The following DMC1 variants were observed in gnomAD, a reference collection of about 807,000 sequenced individuals.
The protein encoded by DMC1 is DNA meiotic recombinase 1, also known as meiotic recombination protein DMC1 homolog.
Under a neutral mutation model 50.1 loss-of-function variants are expected in DMC1, and 27 were observed. That is an observed-to-expected ratio of 0.54 (90% CI 0.40 to 0.74). The LOEUF (loss-of-function observed/expected upper bound fraction) is 0.74, where lower values mean the gene tolerates loss of function less well. Ranked by LOEUF, DMC1 falls within the 30% of genes least tolerant of loss-of-function variation. DMC1 has a pLI of 0.00. For synonymous variants in DMC1, 148 were observed against 136.1 expected (o/e 1.09, Z -0.61); for missense variants, 295 against 420.2 (o/e 0.70, Z 2.60).
At chr22:38,527,075 C>T (rs755884536) in intron 12 of DMC1, among the ~76,000 whole-genome samples, 1 of 152,144 alleles carries the variant, frequency 6.6e-6, no homozygotes, top group African/African-American at 2.4e-5. Flanking sequence ...CAGCCATTCC[C>T]CAGGCAGAAG....
intron 8 of DMC1, chr22:38,546,178 G>T (rs2090342265): frequency 6.6e-6 from 1 of 152,254 alleles, no homozygotes; most frequent in Non-Finnish European, 1.5e-5. Flanking sequence ...ATCACCTGAG[G>T]TCGGGAGTTC....
intron 8 of DMC1, chr22:38,549,567 T>A (rs1367065023): frequency 4.9e-6 from 1 of 202,520 alleles, no homozygotes; most frequent in Non-Finnish European, 1.0e-5. Context: ...GAGGTTGCAG[T>A]GAGCCGAGAT....
In DMC1 at chr22:38,536,519, C is replaced by T. The variant is rs184600859; in HGVS notation, c.836+1073G>A. ...AACACTTCAACAAATTCTGAATATG[C>T]CTAGTGTGAACTGAAATTCTTTTTC... is the stretch of plus-strand genomic sequence containing the variant. On this transcript the variant is annotated intron_variant, in intron 12 of 13. Transcript: ENST00000216024. 1.7e-3 allele frequency among the ~76,000 whole-genome samples: 257 copies of T among 152,236 alleles called. 2 individuals carry two copies. The highest frequency in any genetic ancestry group is 2.6e-3 in the Admixed American group (40 of 15,272).
At position 38,536,857 on chromosome 22, in the gene DMC1, A is replaced by AT. The variant is rs376083937; in HGVS notation, c.836+734dup. The stretch of plus-strand genomic sequence containing the variant: ...GTCATATACACTGTGCAATAAAGTG[A>AT]TTTTTTTTTTGAGATGCAGTTTTGC... On this transcript the variant is annotated intron_variant, in intron 12 of 13. Coordinates refer to ENST00000216024, the MANE Select transcript of DMC1 (RefSeq NM_007068.4). 3.0e-3 allele frequency among the ~76,000 whole-genome samples: 448 copies of AT among 150,206 alleles called. 1 individual carries two copies. Among genetic ancestry groups the AT allele is most frequent in the African/African-American group, 1.0e-2 (409 of 41,084 alleles).
At chr22:38,566,421 A>G (rs1045485589) in intron 4 of DMC1, among the ~76,000 whole-genome samples, 169 bp downstream of exon 4, 1 of 152,170 alleles carries the variant, frequency 6.6e-6, no homozygotes, top group African/African-American at 2.4e-5. Flanking sequence ...TCAGAAATCA[A>G]TTGCTGTTGC....
chr22:38,539,023 G>A (rs138776303), intron 9 of DMC1, among the ~76,000 whole-genome samples: 68 of 150,026 alleles, frequency 4.5e-4, no homozygotes, highest in Non-Finnish European at 8.9e-4. Flanking sequence ...GTGACAGAGC[G>A]AGACTCCATC....
chr22:38,537,008 G>A (rs1436753354), intron 12 of DMC1, among the ~76,000 whole-genome samples: 4 of 149,224 alleles, frequency 2.7e-5, no homozygotes, highest in African/African-American at 9.9e-5. Context: ...ACGCCACCAC[G>A]CCCAGCTAAT....
Position 38,521,569 on chromosome 22 carries a change from ACACACAC to A in DMC1, c.953+32_953+38del. ...CACACACACACACACACACACACACACACACACACACACACACACAAAATAAAAAAAA... is the reference window on the plus strand; with the variant it reads ...CACACACACACACACACACACACACAACACACACACACAAAATAAAAAAAA... On this transcript the variant is annotated intron_variant, in intron 13 of 13. Transcript: ENST00000216024. 4.2e-6 allele frequency: 5 copies of A among 1,199,016 alleles called. No individual in the cohort carries two copies. The African/African-American group carries it at 4.5e-5, about 11-fold the overall frequency. The allele number at this position is 1,199,016 out of a possible 1,614,324, so 74.3% of individuals were successfully genotyped here.
intron 5 of DMC1, among the ~76,000 whole-genome samples, chr22:38,558,583 C>A (rs1602765733): frequency 6.6e-6 from 1 of 152,010 alleles, no homozygotes; most frequent in East Asian, 1.9e-4. Context: ...GGTGTGGTGG[C>A]ACACACCTGT....
chr22:38,529,179 T>A (rs2145815621), intron 12 of DMC1, among the ~76,000 whole-genome samples: 1 of 152,060 alleles, frequency 6.6e-6, no homozygotes, highest in South Asian at 2.1e-4. Context: ...CCCTGCTAAT[T>A]TTTGTATTTT....
intron 12 of DMC1, among the ~76,000 whole-genome samples, chr22:38,533,395 C>CAAA (rs1296043692): frequency 0.017 from 644 of 37,288 alleles, 1 homozygote; most frequent in Non-Finnish European, 0.022. Flanking sequence ...GACTCCATCA[C>CAAA]AAAAAAAAAA....
At chr22:38,520,416 G>A (rs1356103519) in intron 13 of DMC1, among the ~76,000 whole-genome samples, 3 of 151,410 alleles carry the variant, frequency 2.0e-5, no homozygotes, top group Admixed American at 1.3e-4. Flanking sequence ...CCCAGGCAAT[G>A]GTGAGATCTC....
At chr22:38,536,168 A>G (rs1427673178) in intron 12 of DMC1, among the ~76,000 whole-genome samples, 1 of 151,334 alleles carries the variant, frequency 6.6e-6, no homozygotes, top group African/African-American at 2.4e-5. Context: ...GTGAGCAGAG[A>G]TGGTGCCACT....
chr22:38,552,052 C>G (rs5995592), intron 7 of DMC1, among the ~76,000 whole-genome samples: 151,886 of 151,890 alleles, frequency 1, 75,941 homozygotes, highest in Non-Finnish European at 1. Context: ...TAGTAGAGAC[C>G]GGGTTTCACC....
the DMC1 span, among the ~76,000 whole-genome samples, chr22:38,513,227 C>T: frequency 2.8e-4 from 42 of 152,236 alleles, no homozygotes; most frequent in Non-Finnish European, 1.9e-4. Flanking sequence ...GGTCAGGCCT[C>T]TGCCACTGCT....
At chr22:38,535,410 CCACACACA>C (rs141719568) in intron 12 of DMC1, among the ~76,000 whole-genome samples, 2 of 147,932 alleles carry the variant, frequency 1.4e-5, no homozygotes, top group African/African-American at 2.5e-5. Context: ...ATGTACACCT[CCACACACA>C]CACACACACA....
At chr22:38,531,491 A>C (rs2090151191) in intron 12 of DMC1, among the ~76,000 whole-genome samples, 1 of 151,706 alleles carries the variant, frequency 6.6e-6, no homozygotes. Context: ...CCCCAGGGGA[A>C]CTGCAGCTTG....
intron 12 of DMC1, among the ~76,000 whole-genome samples, chr22:38,530,903 C>A (rs1013921484): frequency 4.6e-5 from 7 of 152,046 alleles, no homozygotes; most frequent in Non-Finnish European, 8.8e-5. Context: ...AACCCTGTCT[C>A]TACTAAAAAT....
intron 12 of DMC1, among the ~76,000 whole-genome samples, chr22:38,524,374 C>T (rs2090063647): frequency 6.6e-6 from 1 of 151,820 alleles, no homozygotes; most frequent in Non-Finnish European, 1.5e-5. Flanking sequence ...ATCGCGCCAC[C>T]GGTGGCCCTC....
Sources: allele counts gnomAD v4.1 joint callset (sites outside exome capture counted in the v4.1 genomes callset), GRCh38; gene constraint gnomAD v4.1.1; transcripts MANE v1.5; gene names NCBI Gene and HGNC (gene_info 2026-07-23, HGNC 2026-07-21).